The following PTPRN2 variants were observed in gnomAD, a reference collection of about 807,000 sequenced individuals.
The protein encoded by PTPRN2 is protein tyrosine phosphatase receptor type N2.
In PTPRN2, 74 loss-of-function variants were observed where a neutral mutation model predicts 118.8. The observed-to-expected ratio is 0.62, with a 90% CI of 0.52 to 0.76. The LOEUF is 0.76. PTPRN2 is among the 30% of genes least tolerant of loss of function. The pLI, the probability that PTPRN2 is intolerant of heterozygous loss-of-function variation, is 0.00. For missense variants in PTPRN2, 1,481 were observed against 1,394.4 expected (o/e 1.06, Z -0.99); for synonymous variants, 641 against 608.0 (o/e 1.05, Z -0.80).
intron 3 of PTPRN2, among the ~76,000 whole-genome samples, chr7:158,280,539 GA>G (rs950489157): frequency 1.4e-4 from 22 of 152,304 alleles, no homozygotes; most frequent in Non-Finnish European, 2.6e-4. Context: ...CTAGGTCTTT[GA>G]AGACCTTTCA....
At chr7:158,079,134 C>T (rs980306371) in intron 11 of PTPRN2, among the ~76,000 whole-genome samples, 1 of 152,344 alleles carries the variant, frequency 6.6e-6, no homozygotes. Context: ...TGAGCCACTG[C>T]ACCCGGCCAA....
At chr7:158,056,558 G>A (rs368859946) in intron 11 of PTPRN2, among the ~76,000 whole-genome samples, 8 of 152,324 alleles carry the variant, frequency 5.3e-5, no homozygotes, top group East Asian at 3.9e-4. Context: ...TCGGTTTGAC[G>A]ATGGGATGTT....
At chr7:157,895,074 G>A (rs2151312341) in intron 12 of PTPRN2, among the ~76,000 whole-genome samples, 1 of 152,128 alleles carries the variant, frequency 6.6e-6, no homozygotes, top group African/African-American at 2.4e-5. Context: ...GGGGTCAGCA[G>A]ATGTGATGAG....
rs12534060 is a variant in PTPRN2, at chr7:158,089,943, A to C, written c.1644-8566T>G. 6.4e-3 allele frequency among the ~76,000 whole-genome samples: 192 copies of C among 29,884 alleles called. 62 individuals are homozygous for C. The highest frequency in any genetic ancestry group is 0.022 in the South Asian group (3 of 136). The allele number at this position is 29,884 out of a possible 152,430, so 19.6% of individuals were successfully genotyped here. A position where few individuals can be genotyped will look rare whatever the true frequency, so the allele number is the denominator to read the frequency against. On this transcript the variant is annotated intron_variant, in intron 10 of 22. Coordinates refer to ENST00000389418, the MANE Select transcript of PTPRN2 (RefSeq NM_002847.5). ...TGACGAAAGAGGGAGTCTTCACACA[A>C]ACCCTTCCTCCCCTGACGAAAGAGG...
chr7:158,341,772 C>G (rs1806865920), intron 2 of PTPRN2, among the ~76,000 whole-genome samples: 1 of 143,962 alleles, frequency 6.9e-6, no homozygotes, highest in African/African-American at 2.7e-5. Flanking sequence ...TAAGAGCTGA[C>G]ACCTGCAGAC....
intron 12 of PTPRN2, among the ~76,000 whole-genome samples, chr7:157,849,337 G>A (rs1218013153): frequency 6.6e-6 from 1 of 152,108 alleles, no homozygotes; most frequent in Admixed American, 6.5e-5. Context: ...TCCGGAAGTT[G>A]CGATTCATGT....
chr7:158,407,070 G>A (rs1390395169), intron 2 of PTPRN2, among the ~76,000 whole-genome samples: 2 of 152,112 alleles, frequency 1.3e-5, no homozygotes, highest in Non-Finnish European at 2.9e-5. Context: ...ACCAACATCC[G>A]CCTGTGAGGA....
At chr7:158,125,277 C>T (rs1302363057) in intron 9 of PTPRN2, among the ~76,000 whole-genome samples, 1 of 150,270 alleles carries the variant, frequency 6.7e-6, no homozygotes, top group Non-Finnish European at 1.5e-5. Flanking sequence ...CCTCAAGTCC[C>T]TCCCACGGCC....
Position 157,753,245 on chromosome 7 carries a change from C to T in PTPRN2, c.1789-70308G>A, listed in dbSNP as rs151121590. ...CAGTGCCATGTGCCAGGCATGTCTG[C>T]TGTGCTGTGGGAGGAGACGGTGCTG... is the stretch of plus-strand genomic sequence containing the variant. On this transcript the variant is annotated intron_variant, in intron 12 of 22. Coordinates refer to ENST00000389418, the MANE Select transcript of PTPRN2 (RefSeq NM_002847.5). 3.7e-3 allele frequency among the ~76,000 whole-genome samples: 560 copies of T among 152,340 alleles called. 3 individuals carry two copies. The highest frequency in any genetic ancestry group is 0.02 in the Middle Eastern group (6 of 294).
At chr7:157,989,599 A>G (rs1804087781) in intron 11 of PTPRN2, among the ~76,000 whole-genome samples, 1 of 149,952 alleles carries the variant, frequency 6.7e-6, no homozygotes, top group Non-Finnish European at 1.5e-5. Flanking sequence ...AAGTGCGTCT[A>G]AGGGGTGGAG....
intron 2 of PTPRN2, among the ~76,000 whole-genome samples, chr7:158,317,840 T>C (rs1586232936): frequency 6.6e-6 from 1 of 152,312 alleles, no homozygotes; most frequent in Non-Finnish European, 1.5e-5. Context: ...AGGGCCAGGC[T>C]GACGGTAATT....
intron 11 of PTPRN2, among the ~76,000 whole-genome samples, chr7:157,988,439 G>A (rs1217458947): frequency 1.3e-5 from 2 of 152,196 alleles, no homozygotes; most frequent in Non-Finnish European, 2.9e-5. Context: ...TGTCCTGCCT[G>A]CACGTCTTGA....
At position 158,192,480 on chromosome 7, in the gene PTPRN2, G is replaced by C; in HGVS notation, c.396C>G (p.Ser132Arg). The change falls in exon 5 of 23, where the codon AGC becomes AGG. Residue 132 changes from serine to arginine, a missense_variant. Physicochemically the swap from Ser to Arg is moderately radical, Grantham distance 110. This residue lies in a region of PTPRN2 where 1,115 missense variants were observed against 994.2 expected (regional missense o/e 1.12). Transcript: ENST00000389418. ...ASSPARPSKH[S>R]VGSERRYSRE... ...GACTGTACCTCCTCTCGCTGCCAAC[G>C]CTGTGTTTTGAGGGCCTGAAAAAGC... 2 of 1,583,776 alleles carry C rather than the reference G, an allele frequency of 1.3e-6. No homozygotes were observed. Among genetic ancestry groups the C allele is most frequent in the Non-Finnish European group, 8.6e-7 (1 of 1,168,572 alleles).
chr7:158,488,064 C>T (rs1302203411), intron 2 of PTPRN2, among the ~76,000 whole-genome samples: 1 of 152,132 alleles, frequency 6.6e-6, no homozygotes, highest in African/African-American at 2.4e-5. Flanking sequence ...CCCAGGCCGG[C>T]CTTTGTCAAG....
chr7:158,031,110 T>A (rs1807655595), intron 11 of PTPRN2: 1 of 152,258 alleles, frequency 6.6e-6, no homozygotes, highest in African/African-American at 2.4e-5. Context: ...GAATGATGAA[T>A]AAAACACTAC....
intron 4 of PTPRN2, among the ~76,000 whole-genome samples, chr7:158,197,572 G>T (rs1826306475): frequency 6.6e-6 from 1 of 152,038 alleles, no homozygotes; most frequent in Non-Finnish European, 1.5e-5. Context: ...GTATTACTTT[G>T]TTCCCACACT....
chr7:157,867,121 C>T (rs78169864), intron 12 of PTPRN2, among the ~76,000 whole-genome samples: 1 of 16,004 alleles, frequency 6.2e-5, no homozygotes. Context: ...GCCACCACCC[C>T]GTCCCTGACG....
intron 12 of PTPRN2, among the ~76,000 whole-genome samples, chr7:157,853,651 G>A (rs937448354): frequency 6.6e-6 from 1 of 152,114 alleles, no homozygotes; most frequent in Non-Finnish European, 1.5e-5. Context: ...CCTCCTCCAC[G>A]GCGGAACTGG....
Position 157,929,721 on chromosome 7 carries a change from C to T in PTPRN2, c.1724-30984G>A, listed in dbSNP as rs778313556. On this transcript the variant is annotated intron_variant, in intron 11 of 22. Transcript: ENST00000389418. The surrounding 1 kb of genome is among the most constrained non-coding windows in gnomAD (Gnocchi z 4.4). The stretch of plus-strand genomic sequence containing the variant: ...GTCCCTCGGGTGGGGGCGGCATCCT[C>T]ACAGGGGTGAGGAGCTCTGTGCTGC... Among the ~76,000 whole-genome samples the T allele has an allele frequency of 2.6e-4, 35 of 133,406 alleles. No individual in the cohort carries two copies. The highest frequency in any genetic ancestry group is 3.9e-4 in the Admixed American group (5 of 12,756). The allele number at this position is 133,406 out of a possible 152,430, so 87.5% of individuals were successfully genotyped here. A position where few individuals can be genotyped will look rare whatever the true frequency, so the allele number is the denominator to read the frequency against.
Sources: gnomAD v4.1 joint callset for allele counts (sites outside exome capture counted in the v4.1 genomes callset) on GRCh38, gnomAD v4.1.1 for gene constraint, gnomAD v4.1.1 regional missense constraint, Gnocchi (gnomAD v3.1) non-coding constraint, MANE v1.5 for transcripts, NCBI Gene and HGNC (gene_info 2026-07-23, HGNC 2026-07-21) for gene names.